VPS8: variants seen among roughly 807,000 people sequenced by gnomAD.
VPS8 encodes the protein vacuolar protein sorting-associated protein 8 homolog.
Under a neutral mutation model 216.4 loss-of-function variants are expected in VPS8, and 129 were observed. The observed-to-expected ratio is 0.60, with a 90% CI of 0.52 to 0.69. The LOEUF is 0.69. VPS8 is among the 30% of genes least tolerant of loss of function. VPS8 has a pLI of 0.00. For synonymous variants in VPS8, 571 were observed against 565.4 expected, an observed-to-expected ratio of 1.01 and a Z score of -0.14; for missense variants, 1,531 against 1,683.5, an observed-to-expected ratio of 0.91 and a Z score of 1.59.
At chr3:184,938,079 G>A (rs1560769405) in intron 35 of VPS8, among the ~76,000 whole-genome samples, 1 of 152,110 alleles carries the variant, frequency 6.6e-6, no homozygotes, top group African/African-American at 2.4e-5. Flanking sequence ...GAGAGAAGAA[G>A]GTCTAGGCAA....
chr3:184,824,522 TG>T (rs1718296981), intron 1 of VPS8, 22 bp from the exon 2 acceptor site: 22 of 1,182,966 alleles, frequency 1.9e-5, no homozygotes, highest in Non-Finnish European at 2.6e-5. Flanking sequence ...GTTTTGTTTT[TG>T]TTTTTTTCTT....
chr3:184,983,324 C>T (rs1312253087), intron 42 of VPS8, among the ~76,000 whole-genome samples: 1 of 152,086 alleles, frequency 6.6e-6, no homozygotes, highest in Non-Finnish European at 1.5e-5. Flanking sequence ...TCAGTTAGGG[C>T]GTGCGGCCTT....
At chr3:185,035,410 A>G (rs1296603859) in intron 46 of VPS8, among the ~76,000 whole-genome samples, 2 of 152,162 alleles carry the variant, frequency 1.3e-5, no homozygotes, top group East Asian at 3.8e-4. Flanking sequence ...TTAACTCACC[A>G]CAATCAGCTG....
chr3:184,883,206 T>C (rs888745505), intron 21 of VPS8, among the ~76,000 whole-genome samples: 1 of 152,204 alleles, frequency 6.6e-6, no homozygotes, highest in Admixed American at 6.5e-5. Flanking sequence ...TTCATAAATA[T>C]TGGTCTTCCT....
At chr3:184,817,445 G>GT (rs943818753) in intron 1 of VPS8, 2 of 152,178 alleles carry the variant, frequency 1.3e-5, no homozygotes, top group Non-Finnish European at 2.9e-5. Context: ...TTACAATGTG[G>GT]TAAGTGTAGT....
intron 8 of VPS8, among the ~76,000 whole-genome samples, chr3:184,845,449 C>G (rs776636609): frequency 5.3e-5 from 8 of 152,070 alleles, no homozygotes; most frequent in Non-Finnish European, 1.2e-4. Context: ...TAACATGGTA[C>G]TATAAGGATA....
chr3:185,050,565 A>G (rs1413352258), intron 47 of VPS8, among the ~76,000 whole-genome samples: 1 of 152,244 alleles, frequency 6.6e-6, no homozygotes, highest in African/African-American at 2.4e-5. Flanking sequence ...CCTCGAAGAC[A>G]TGGTGCCTGG....
At chr3:184,834,870 T>C in intron 5 of VPS8, 128 bp downstream of exon 5, 1 of 681,364 alleles carries the variant, frequency 1.5e-6, no homozygotes, top group Admixed American at 3.3e-5. Context: ...CTGGCTTTCA[T>C]GGTTTTTGTG....
chr3:184,958,268 A>G (rs1400659557), intron 37 of VPS8, among the ~76,000 whole-genome samples: 1 of 152,170 alleles, frequency 6.6e-6, no homozygotes, highest in Admixed American at 6.5e-5. Flanking sequence ...TGGTTGTGAA[A>G]ATGGGTCAGT....
At chr3:184,889,458 A>G (rs1463832626) in intron 22 of VPS8, among the ~76,000 whole-genome samples, 1 of 151,984 alleles carries the variant, frequency 6.6e-6, no homozygotes, top group Non-Finnish European at 1.5e-5. Context: ...ACACACTCTT[A>G]GGTCAAGGCC....
At chr3:184,884,005 T>G (rs1730729552) in intron 21 of VPS8, among the ~76,000 whole-genome samples, 1 of 152,162 alleles carries the variant, frequency 6.6e-6, no homozygotes, top group Admixed American at 6.5e-5. Flanking sequence ...ATTTTGCCTG[T>G]GTTTAGGGTG....
chr3:185,029,671 T>C (rs181954374), intron 46 of VPS8, among the ~76,000 whole-genome samples: 51 of 152,228 alleles, frequency 3.4e-4, no homozygotes, highest in African/African-American at 1.2e-3. Flanking sequence ...TTCAAGCAGT[T>C]CTGCTGCTGC....
chr3:184,864,649 G>A (rs1577965105), intron 16 of VPS8, among the ~76,000 whole-genome samples: 1 of 152,194 alleles, frequency 6.6e-6, no homozygotes, highest in Non-Finnish European at 1.5e-5. Flanking sequence ...ATTAGGACTA[G>A]AATAAATGGC....
chr3:184,911,766 C>G (rs1241826658), intron 25 of VPS8, among the ~76,000 whole-genome samples: 1 of 152,156 alleles, frequency 6.6e-6, no homozygotes, highest in East Asian at 1.9e-4. Context: ...CCTTGATTTA[C>G]AAGACATTAA....
intron 38 of VPS8, among the ~76,000 whole-genome samples, chr3:184,965,097 TTC>T (rs372521597): frequency 2.0e-5 from 3 of 152,332 alleles, no homozygotes; most frequent in African/African-American, 7.2e-5. Context: ...TGCTAACACT[TTC>T]TGTTTTCTTG....
chr3:184,953,717 A>G (rs898416398), intron 36 of VPS8, among the ~76,000 whole-genome samples: 1 of 152,124 alleles, frequency 6.6e-6, no homozygotes, highest in African/African-American at 2.4e-5. Context: ...TTGGGTGGCT[A>G]TTGTTGTAAG....
chr3:184,969,781 G>A (rs1425957239), intron 39 of VPS8, among the ~76,000 whole-genome samples: 1 of 151,012 alleles, frequency 6.6e-6, no homozygotes, highest in Non-Finnish European at 1.5e-5. Context: ...ATTAAGAAGA[G>A]CATTCCCCCA....
intron 42 of VPS8, among the ~76,000 whole-genome samples, chr3:184,988,927 T>G (rs1385301787): frequency 1.1e-4 from 17 of 152,240 alleles, no homozygotes; most frequent in Non-Finnish European, 1.5e-5. Context: ...TCTTTTTAAT[T>G]TTAAATTCTA....
chr3:185,006,177 T>A (rs1754222302), intron 45 of VPS8, among the ~76,000 whole-genome samples: 1 of 152,252 alleles, frequency 6.6e-6, no homozygotes, highest in South Asian at 2.1e-4. Flanking sequence ...TTCCTCTAGC[T>A]CTCTGTGTCC....
Sources: gnomAD v4.1 joint callset for allele counts (sites outside exome capture counted in the v4.1 genomes callset) on GRCh38, gnomAD v4.1.1 for gene constraint, MANE v1.5 for transcripts, NCBI Gene and HGNC (gene_info 2026-07-23, HGNC 2026-07-21) for gene names.